The following RPS6KC1 variants were observed in gnomAD, a reference collection of about 807,000 sequenced individuals.
The protein encoded by RPS6KC1 is ribosomal protein S6 kinase C1, also known as inactive ribosomal protein S6 kinase delta-1.
In RPS6KC1, 54 loss-of-function variants were observed where a neutral mutation model predicts 103.8. The observed-to-expected ratio is 0.52, with a 90% CI of 0.42 to 0.65. RPS6KC1 has a LOEUF of 0.65. Ranked by LOEUF, RPS6KC1 falls within the 30% of genes least tolerant of loss-of-function variation. RPS6KC1 has a pLI of 0.00. For synonymous variants in RPS6KC1, 439 were observed against 438.7 expected, an observed-to-expected ratio of 1.00 and a Z score of -0.01; for missense variants, 1,151 against 1,253.8, an observed-to-expected ratio of 0.92 and a Z score of 1.24.
intron 8 of RPS6KC1, among the ~76,000 whole-genome samples, chr1:213,178,520 G>GAC (rs1414444401): frequency 1.3e-5 from 2 of 151,526 alleles, no homozygotes; most frequent in Non-Finnish European, 2.9e-5. Context: ...CAGCCTGGGC[G>GAC]ACAGACTGAG....
chr1:213,473,903 G>C, the RPS6KC1 span, among the ~76,000 whole-genome samples: 5 of 152,172 alleles, frequency 3.3e-5, no homozygotes, highest in Admixed American at 2.0e-4. Flanking sequence ...CAGAAGAGGG[G>C]CATGGAACTA....
At chr1:213,680,003 T>A in the RPS6KC1 span, among the ~76,000 whole-genome samples, 1 of 152,350 alleles carries the variant, frequency 6.6e-6, no homozygotes, top group South Asian at 2.1e-4. Context: ...TGCTTTAATT[T>A]TTTTTAAGTG....
At chr1:213,674,327 C>T in the RPS6KC1 span, among the ~76,000 whole-genome samples, 1 of 152,100 alleles carries the variant, frequency 6.6e-6, no homozygotes. Context: ...CTTGTACCAT[C>T]TTTATGTTTA....
chr1:213,812,709 A>C, the RPS6KC1 span, among the ~76,000 whole-genome samples: 1 of 152,342 alleles, frequency 6.6e-6, no homozygotes, highest in African/African-American at 2.4e-5. Flanking sequence ...GGCAATCCAC[A>C]GAGCAAGCCT....
At chr1:213,133,022 G>A (rs1162907553) in intron 6 of RPS6KC1, among the ~76,000 whole-genome samples, 2 of 152,084 alleles carry the variant, frequency 1.3e-5, no homozygotes, top group Non-Finnish European at 2.9e-5. Context: ...TTGCCCATCC[G>A]GCAGAGAATA....
chr1:213,079,986 G>A (rs1326396372), intron 3 of RPS6KC1, among the ~76,000 whole-genome samples: 2 of 142,744 alleles, frequency 1.4e-5, no homozygotes, highest in Non-Finnish European at 3.0e-5. Flanking sequence ...GCGTGATCTC[G>A]GCTCACTGCA....
chr1:213,832,476 C>T, the RPS6KC1 span: 1 of 152,168 alleles, frequency 6.6e-6, no homozygotes, highest in South Asian at 2.1e-4. Flanking sequence ...TGATCCACAC[C>T]TTAACACATG....
intron 6 of RPS6KC1, among the ~76,000 whole-genome samples, chr1:213,162,656 G>C (rs1247491220): frequency 6.6e-6 from 1 of 152,174 alleles, no homozygotes; most frequent in Admixed American, 6.5e-5. Flanking sequence ...GGAAAAATAG[G>C]TTAGGGAGCA....
chr1:213,497,684 A>G, the RPS6KC1 span, among the ~76,000 whole-genome samples: 1 of 152,114 alleles, frequency 6.6e-6, no homozygotes, highest in African/African-American at 2.4e-5. Context: ...AATAGTCCCA[A>G]AGAAAGCAGG....
chr1:213,862,513 T>A, the RPS6KC1 span, among the ~76,000 whole-genome samples: 1 of 150,440 alleles, frequency 6.6e-6, no homozygotes, highest in African/African-American at 2.4e-5. Context: ...AAAGCAGCGA[T>A]TTTTTTTTTC....
the RPS6KC1 span, among the ~76,000 whole-genome samples, chr1:213,351,248 A>G: frequency 6.6e-6 from 1 of 152,224 alleles, no homozygotes; most frequent in Non-Finnish European, 1.5e-5. Flanking sequence ...ACACAAAATG[A>G]ATTTAGAAGA....
At chr1:213,555,201 G>A in the RPS6KC1 span, among the ~76,000 whole-genome samples, 2 of 152,160 alleles carry the variant, frequency 1.3e-5, no homozygotes, top group African/African-American at 2.4e-5. Context: ...TACAAAGAAC[G>A]AATGTTTGAA....
At chr1:213,064,676 C>T (rs1386684314) in intron 1 of RPS6KC1, among the ~76,000 whole-genome samples, 5 of 104,870 alleles carry the variant, frequency 4.8e-5, no homozygotes, top group South Asian at 3.3e-4. Context: ...CCTTTGTGAA[C>T]TTTTTTTTTT....
intron 12 of RPS6KC1, among the ~76,000 whole-genome samples, chr1:213,250,951 C>G (rs1471349471): frequency 1.3e-5 from 2 of 152,072 alleles, no homozygotes; most frequent in Non-Finnish European, 2.9e-5. Flanking sequence ...TACAAATGAT[C>G]TCACCAGCCC....
the RPS6KC1 span, among the ~76,000 whole-genome samples, chr1:213,324,294 G>T: frequency 6.6e-6 from 1 of 152,158 alleles, no homozygotes; most frequent in Non-Finnish European, 1.5e-5. Context: ...TTTTTTAATT[G>T]GGGCCAGTCA....
chr1:213,174,209 G>A (rs548571120), intron 7 of RPS6KC1, among the ~76,000 whole-genome samples: 1 of 152,290 alleles, frequency 6.6e-6, no homozygotes, highest in East Asian at 1.9e-4. Context: ...AGTAGTTGGA[G>A]TTCTTCCACT....
intron 6 of RPS6KC1, among the ~76,000 whole-genome samples, chr1:213,133,902 G>T (rs2085954475): frequency 6.6e-6 from 1 of 152,056 alleles, no homozygotes; most frequent in Admixed American, 6.6e-5. Context: ...TTTTAAGATG[G>T]AGAAGTGGGA....
At chr1:213,848,193 A>G in the RPS6KC1 span, among the ~76,000 whole-genome samples, 1 of 152,194 alleles carries the variant, frequency 6.6e-6, no homozygotes, top group Non-Finnish European at 1.5e-5. Flanking sequence ...TATACAATTC[A>G]ATGGGTTTTG....
chr1:213,641,731 C>T, the RPS6KC1 span, among the ~76,000 whole-genome samples: 1 of 151,958 alleles, frequency 6.6e-6, no homozygotes, highest in East Asian at 1.9e-4. Flanking sequence ...CCATTTTGGT[C>T]TCCTATTCAG....
Sources: allele counts gnomAD v4.1 joint callset (sites outside exome capture counted in the v4.1 genomes callset), GRCh38; gene constraint gnomAD v4.1.1; transcripts MANE v1.5; gene names NCBI Gene and HGNC (gene_info 2026-07-23, HGNC 2026-07-21).